CCDC60: variants seen among roughly 807,000 people sequenced by gnomAD.
The protein encoded by CCDC60 is coiled-coil domain-containing protein 60.
CCDC60 carries 54 observed loss-of-function variants against 63.5 expected under a neutral mutation model. That is an observed-to-expected ratio of 0.85 (90% CI 0.68 to 1.07). The LOEUF is 1.07. CCDC60 is among the 50% of genes least tolerant of loss of function. CCDC60 has a pLI of 0.00. For missense variants in CCDC60, 651 were observed against 684.3 expected (o/e 0.95, Z 0.54); for synonymous variants, 206 against 238.8 (o/e 0.86, Z 1.27).
At chr12:119,354,567 C>T (rs544603445) in intron 1 of CCDC60, among the ~76,000 whole-genome samples, 1 of 152,164 alleles carries the variant, frequency 6.6e-6, no homozygotes, top group Non-Finnish European at 1.5e-5. Context: ...GAAGGTTCAC[C>T]TTTCTGCTTT....
In CCDC60 at chr12:119,339,664, C is replaced by G. The variant is rs1447681202; in HGVS notation, c.90+4398C>G. ...AACAAAACAAAACAAAAGAACTAGC[C>G]AGGTGTGGTGGCATATGCCTATGGT... On this transcript the variant is annotated intron_variant, in intron 1 of 13. Transcript: ENST00000327554. Among the ~76,000 whole-genome samples the G allele has an allele frequency of 2.6e-5, 4 of 152,062 alleles. No homozygotes were observed. In the South Asian group the frequency reaches 6.2e-4, roughly 24 times the overall value.
chr12:119,530,647 C>T (rs541058), intron 12 of CCDC60, among the ~76,000 whole-genome samples: 2 of 152,056 alleles, frequency 1.3e-5, no homozygotes, highest in East Asian at 3.9e-4. Flanking sequence ...TGAAATCACA[C>T]CTTTGTTTTA....
intron 2 of CCDC60, among the ~76,000 whole-genome samples, chr12:119,466,869 C>T (rs1950963025): frequency 6.6e-6 from 1 of 152,108 alleles, no homozygotes; most frequent in Non-Finnish European, 1.5e-5. Context: ...CCTTGGACAC[C>T]AGACCAAAGT....
intron 2 of CCDC60, among the ~76,000 whole-genome samples, chr12:119,442,713 C>T (rs191381604): frequency 9.2e-5 from 14 of 152,288 alleles, no homozygotes; most frequent in Admixed American, 7.8e-4. Context: ...TGCATGGATG[C>T]ATTCTATTTC....
At chr12:119,411,661 C>T (rs1593048864) in intron 1 of CCDC60, among the ~76,000 whole-genome samples, 1 of 151,968 alleles carries the variant, frequency 6.6e-6, no homozygotes, top group Non-Finnish European at 1.5e-5. Context: ...AGCTGGTTCT[C>T]ACCTTGGGGG....
chr12:119,371,466 G>A (rs569430131), intron 1 of CCDC60, among the ~76,000 whole-genome samples: 1 of 152,296 alleles, frequency 6.6e-6, no homozygotes, highest in Admixed American at 6.5e-5. Flanking sequence ...TGAAATGAAT[G>A]AGTGAATGAA....
At chr12:119,386,961 G>T (rs1436929474) in intron 1 of CCDC60, among the ~76,000 whole-genome samples, 2 of 151,172 alleles carry the variant, frequency 1.3e-5, no homozygotes, top group Non-Finnish European at 2.9e-5. Flanking sequence ...ACATCACACA[G>T]AGTACTCCAT....
intron 1 of CCDC60, among the ~76,000 whole-genome samples, chr12:119,416,236 G>C (rs181713509): frequency 6.6e-6 from 1 of 151,948 alleles, no homozygotes; most frequent in Non-Finnish European, 1.5e-5. Flanking sequence ...CAAATTAGCC[G>C]GGCGAGGTGT....
At chr12:119,526,287 T>C (rs1475534855) in intron 11 of CCDC60, among the ~76,000 whole-genome samples, 1 of 152,122 alleles carries the variant, frequency 6.6e-6, no homozygotes, top group East Asian at 1.9e-4. Context: ...GACTTAAATG[T>C]AAAACCCAAA....
intron 2 of CCDC60, among the ~76,000 whole-genome samples, chr12:119,450,870 G>A (rs868265375): frequency 4.1e-5 from 5 of 121,634 alleles, no homozygotes; most frequent in Non-Finnish European, 5.3e-5. Flanking sequence ...AAAAAAAAAA[G>A]AGAGAGAGAG....
rs58415660 is a variant in CCDC60 at position 119,445,433 on chromosome 12, C to CAAAAAAAAAAAAAA, written c.170+16681_170+16694dup. 9.6e-3 allele frequency among the ~76,000 whole-genome samples: 260 copies of CAAAAAAAAAAAAAA among 27,186 alleles called. 16 individuals are homozygous for CAAAAAAAAAAAAAA. Among genetic ancestry groups the CAAAAAAAAAAAAAA allele is most frequent in the Non-Finnish European group, 0.012 (186 of 15,818 alleles). The allele number at this position is 27,186 out of a possible 152,430, so 17.8% of individuals were successfully genotyped here. A position where few individuals can be genotyped will look rare whatever the true frequency, so the allele number is the denominator to read the frequency against. On this transcript the variant is annotated intron_variant, in intron 2 of 13. Coordinates refer to ENST00000327554, the MANE Select transcript of CCDC60 (RefSeq NM_178499.5). ...TGAGTGACAGAGCGAGACTCCATCT[C>CAAAAAAAAAAAAAA]AAAAAAAAAAAAAAAAAAAAAAAGG...
intron 8 of CCDC60, among the ~76,000 whole-genome samples, chr12:119,518,455 A>AT (rs749939213): frequency 2.0e-5 from 3 of 152,122 alleles, no homozygotes; most frequent in Non-Finnish European, 2.9e-5. Context: ...GCCATGACTA[A>AT]TTGCCGGGTT....
intron 7 of CCDC60, among the ~76,000 whole-genome samples, chr12:119,506,521 G>A (rs1952011311): frequency 6.6e-6 from 1 of 152,004 alleles, no homozygotes; most frequent in Non-Finnish European, 1.5e-5. Flanking sequence ...GCTGAGGTGG[G>A]AGGATCGCTT....
At chr12:119,372,923 T>A (rs1955912282) in intron 1 of CCDC60, among the ~76,000 whole-genome samples, 1 of 152,192 alleles carries the variant, frequency 6.6e-6, no homozygotes, top group Non-Finnish European at 1.5e-5. Flanking sequence ...TCGTGGATAT[T>A]ATTGCTTAGG....
chr12:119,372,212 A>G (rs989741763), intron 1 of CCDC60, among the ~76,000 whole-genome samples: 28 of 152,076 alleles, frequency 1.8e-4, no homozygotes, highest in African/African-American at 6.8e-4. Flanking sequence ...GTGAGCTGAG[A>G]TCACACCACC....
At chr12:119,519,839 GGAGAGAGA>G (rs748120101) in intron 8 of CCDC60, among the ~76,000 whole-genome samples, 2 of 147,646 alleles carry the variant, frequency 1.4e-5, no homozygotes, top group African/African-American at 2.5e-5. Flanking sequence ...GGGAATTTTA[GGAGAGAGA>G]GAGAGAGAGT....
chr12:119,362,408 C>CAATA (rs577068812), intron 1 of CCDC60, among the ~76,000 whole-genome samples: 15 of 152,142 alleles, frequency 9.9e-5, no homozygotes, highest in African/African-American at 3.4e-4. Flanking sequence ...CTTCTCCCTG[C>CAATA]AATAAATAAA....
At chr12:119,354,589 G>C (rs559117853) in intron 1 of CCDC60, among the ~76,000 whole-genome samples, 1 of 152,190 alleles carries the variant, frequency 6.6e-6, no homozygotes, top group East Asian at 1.9e-4. Flanking sequence ...GCAAAGAAAC[G>C]GGGAGACTTT....
intron 5 of CCDC60, among the ~76,000 whole-genome samples, chr12:119,489,685 C>T (rs1951538701): frequency 6.6e-6 from 1 of 152,132 alleles, no homozygotes; most frequent in Non-Finnish European, 1.5e-5. Context: ...ATCAGTTTTT[C>T]ACTGTGAAAA....
Sources: gnomAD v4.1 joint callset for allele counts (sites outside exome capture counted in the v4.1 genomes callset) on GRCh38, gnomAD v4.1.1 for gene constraint, MANE v1.5 for transcripts, NCBI Gene and HGNC (gene_info 2026-07-23, HGNC 2026-07-21) for gene names.